The following NEAT1 variants were observed in gnomAD, a reference collection of about 807,000 sequenced individuals.
The protein encoded by NEAT1 is MENepsilon/beta.
exon 1 of NEAT1, chr11:65,430,921 A>C (rs906449756): frequency 3.9e-5 from 6 of 152,224 alleles, no homozygotes; most frequent in South Asian, 2.1e-4. Context: ...GAAGTTGACT[A>C]TCTGAATCAT....
At chr11:65,433,073 G>A (rs757178078) in exon 1 of NEAT1, 67 of 151,042 alleles carry the variant, frequency 4.4e-4, no homozygotes, top group Middle Eastern at 3.5e-3. Context: ...ATTCCATGGT[G>A]TAGAGATACC....
chr11:65,432,037 G>A (rs1374077513), exon 1 of NEAT1: 1 of 152,092 alleles, frequency 6.6e-6, no homozygotes, highest in Non-Finnish European at 1.5e-5. Flanking sequence ...AGTTGTCTTA[G>A]TCTATATTTC....
chr11:65,444,731 T>C, exon 1 of NEAT1: 1 of 322,718 alleles, frequency 3.1e-6, no homozygotes, highest in Non-Finnish European at 6.2e-6. Flanking sequence ...CCTGGGGCCC[T>C]GGTGACTTGG....
chr11:65,436,760 C>A (rs747815136), exon 1 of NEAT1: 1 of 151,910 alleles, frequency 6.6e-6, no homozygotes, highest in Non-Finnish European at 1.5e-5. Flanking sequence ...TTTTGGGGAA[C>A]CATTAAGTTG....
chr11:65,434,994 T>C (rs1856646233), exon 1 of NEAT1: 1 of 152,194 alleles, frequency 6.6e-6, no homozygotes, highest in African/African-American at 2.4e-5. Flanking sequence ...TATAATTTTG[T>C]CAAGGTATAA....
chr11:65,424,250 C>T (rs1228932938), exon 1 of NEAT1: 2 of 152,272 alleles, frequency 1.3e-5, no homozygotes, highest in African/African-American at 2.4e-5. Flanking sequence ...GGGCCATCAG[C>T]TTTGAATAAA....
At chr11:65,443,548 G>C (rs11605125) in exon 1 of NEAT1, 28,647 of 152,194 alleles carry the variant, frequency 0.19, 3,213 homozygotes, top group African/African-American at 0.31. Context: ...TCCACCTGTT[G>C]TGGTTGGGGT....
At chr11:65,436,898 A>G (rs537724299) in exon 1 of NEAT1, 3 of 152,102 alleles carry the variant, frequency 2.0e-5, no homozygotes, top group South Asian at 4.2e-4. Context: ...AGCATGTGTA[A>G]ATTTCTAAAT....
chr11:65,442,090 CAG>C (rs1383028744), exon 1 of NEAT1: 3 of 151,720 alleles, frequency 2.0e-5, no homozygotes, highest in African/African-American at 7.3e-5. Context: ...CAAAGGGTAA[CAG>C]TGGACAGTTG....
exon 1 of NEAT1, chr11:65,429,052 G>A (rs926935378): frequency 6.6e-6 from 1 of 152,036 alleles, no homozygotes; most frequent in Non-Finnish European, 1.5e-5. Flanking sequence ...ATGATGACAG[G>A]ATGTTCCCTT....
exon 1 of NEAT1, chr11:65,442,008 C>T (rs918901431): frequency 1.3e-5 from 2 of 152,210 alleles, no homozygotes; most frequent in African/African-American, 2.4e-5. Context: ...AGGGAGGCTA[C>T]TGATGCCATC....
chr11:65,426,821 T>A (rs552444004), exon 1 of NEAT1: 1 of 152,174 alleles, frequency 6.6e-6, no homozygotes, highest in African/African-American at 2.4e-5. Context: ...GGGAGTACTT[T>A]GCCATAATAT....
exon 1 of NEAT1, chr11:65,433,925 A>C (rs999434686): frequency 2.6e-5 from 4 of 151,984 alleles, no homozygotes; most frequent in African/African-American, 4.8e-5. Context: ...TCCTGGGTTT[A>C]TCTCTCACTT....
At chr11:65,431,336 ATATC>A (rs1856612119) in exon 1 of NEAT1, 1 of 152,134 alleles carries the variant, frequency 6.6e-6, no homozygotes, top group Admixed American at 6.5e-5. Context: ...CTATGTACAA[ATATC>A]TATATTATTG....
chr11:65,423,374 G>A (rs1266067541), exon 1 of NEAT1: 1 of 152,174 alleles, frequency 6.6e-6, no homozygotes, highest in East Asian at 1.9e-4. Flanking sequence ...GACCGCTCTG[G>A]CCCAGGGTGG....
exon 1 of NEAT1, chr11:65,428,595 A>G (rs1856584393): frequency 6.6e-6 from 1 of 152,222 alleles, no homozygotes; most frequent in Non-Finnish European, 1.5e-5. Flanking sequence ...TTTAACAAAA[A>G]CATACTGACA....
chr11:65,445,439 A>T (rs1165708032), exon 1 of NEAT1: 1 of 152,272 alleles, frequency 6.6e-6, no homozygotes, highest in African/African-American at 2.4e-5. Context: ...GGAGGCGCGG[A>T]GCCGCCGCAG....
chr11:65,425,770 T>C (rs991098875), exon 1 of NEAT1: 5 of 152,168 alleles, frequency 3.3e-5, no homozygotes, highest in Non-Finnish European at 1.5e-5. Context: ...GTCTTTTCTG[T>C]GTTTGGTCGA....
chr11:65,423,366 C>G (rs187711676), exon 1 of NEAT1: 1 of 152,370 alleles, frequency 6.6e-6, no homozygotes, highest in African/African-American at 2.4e-5. Context: ...ACGGGGCTGA[C>G]CGCTCTGGCC....
Sources: allele counts gnomAD v4.1 joint callset, GRCh38; gene constraint gnomAD v4.1.1; transcripts MANE v1.5; gene names NCBI Gene and HGNC (gene_info 2026-07-23, HGNC 2026-07-21).